CERT1: variants seen among roughly 807,000 people sequenced by gnomAD.
CERT1 encodes the protein ceramide transporter 1.
In CERT1, 31 loss-of-function variants were observed where a neutral mutation model predicts 87.9. The observed-to-expected ratio is 0.35, with a 90% CI of 0.27 to 0.48. The LOEUF is 0.48. Ranked by LOEUF, CERT1 falls within the 20% of genes least tolerant of loss-of-function variation. The pLI is 0.99. For synonymous variants in CERT1, 289 were observed against 250.9 expected, an observed-to-expected ratio of 1.15 and a Z score of -1.44; for missense variants, 487 against 758.0, an observed-to-expected ratio of 0.64 and a Z score of 4.20.
chr5:75,370,925 C>G (rs958859005), intron 17 of CERT1: 2 of 145,312 alleles, frequency 1.4e-5, no homozygotes, highest in Admixed American at 7.1e-5. Context: ...GCACTCCAGC[C>G]TGGGTGACAA....
chr5:75,425,110 C>T (rs560725126), intron 5 of CERT1, among the ~76,000 whole-genome samples: 6 of 152,072 alleles, frequency 3.9e-5, no homozygotes, highest in Middle Eastern at 3.4e-3. Flanking sequence ...AGAATGAAAC[C>T]ATGTCTCAAC....
At chr5:75,413,002 CTTAAAACATAAACATT>C (rs1762992762) in intron 7 of CERT1, among the ~76,000 whole-genome samples, 1 of 152,072 alleles carries the variant, frequency 6.6e-6, no homozygotes, top group South Asian at 2.1e-4. Flanking sequence ...AATAAGATAT[CTTAAAACATAAACATT>C]GTACAGCAGC....
intron 12 of CERT1, among the ~76,000 whole-genome samples, chr5:75,389,124 G>A (rs561241503): frequency 5.9e-5 from 9 of 152,200 alleles, no homozygotes; most frequent in African/African-American, 2.2e-4. Context: ...GTTTAGGGAT[G>A]TAAACAAGAT....
intron 2 of CERT1, among the ~76,000 whole-genome samples, chr5:75,465,718 A>G (rs1765427594): frequency 6.6e-6 from 1 of 152,202 alleles, no homozygotes; most frequent in Admixed American, 6.5e-5. Context: ...TAAAGCCACT[A>G]CTGGCACTGC....
intron 2 of CERT1, among the ~76,000 whole-genome samples, chr5:75,483,908 A>G (rs1766379841): frequency 6.6e-6 from 1 of 152,100 alleles, no homozygotes; most frequent in South Asian, 2.1e-4. Flanking sequence ...AAAAATCACT[A>G]ATAGTATGTA....
At chr5:75,415,767 T>G (rs1323084632) in intron 7 of CERT1, among the ~76,000 whole-genome samples, 1 of 147,676 alleles carries the variant, frequency 6.8e-6, no homozygotes, top group Non-Finnish European at 1.5e-5. Context: ...CAATACATTG[T>G]TTTTTTTTTG....
At chr5:75,483,556 A>G (rs540095743) in intron 2 of CERT1, among the ~76,000 whole-genome samples, 19 of 152,328 alleles carry the variant, frequency 1.2e-4, no homozygotes, top group African/African-American at 3.4e-4. Context: ...TTTAATCCAA[A>G]TAAGTCTACA....
intron 1 of CERT1, among the ~76,000 whole-genome samples, chr5:75,506,570 C>T (rs773598614): frequency 7.2e-5 from 11 of 152,126 alleles, no homozygotes; most frequent in African/African-American, 1.2e-4. Context: ...TCTAAATCAA[C>T]GGAAGTATAA....
chr5:75,381,308 C>G, intron 15 of CERT1, 107 bp from the exon 16 acceptor site: 1 of 1,248,488 alleles, frequency 8.0e-7, no homozygotes, highest in Non-Finnish European at 1.1e-6. Flanking sequence ...AAAAGTATCT[C>G]CAGTGAAATC....
chr5:75,409,723 T>G (rs1310916087), intron 8 of CERT1, among the ~76,000 whole-genome samples: 1 of 152,042 alleles, frequency 6.6e-6, no homozygotes, highest in East Asian at 1.9e-4. Flanking sequence ...GAGACGGGGT[T>G]TCACCATATT....
intron 2 of CERT1, among the ~76,000 whole-genome samples, chr5:75,464,366 A>G (rs1765368338): frequency 6.6e-6 from 1 of 152,138 alleles, no homozygotes; most frequent in Non-Finnish European, 1.5e-5. Flanking sequence ...ACCGCATAGT[A>G]ACATTAGAGG....
intron 2 of CERT1, among the ~76,000 whole-genome samples, chr5:75,504,293 T>C (rs375438497): frequency 4.6e-5 from 7 of 152,064 alleles, no homozygotes; most frequent in East Asian, 1.9e-4. Flanking sequence ...CACATTACAA[T>C]GTACCACATA....
intron 2 of CERT1, among the ~76,000 whole-genome samples, chr5:75,482,845 G>A (rs917127696): frequency 3.3e-5 from 5 of 152,160 alleles, no homozygotes; most frequent in African/African-American, 7.2e-5. Flanking sequence ...TGCAGATACC[G>A]CTATAGCAAC....
intron 12 of CERT1, among the ~76,000 whole-genome samples, chr5:75,387,516 C>T (rs911947477): frequency 2.0e-5 from 3 of 151,722 alleles, no homozygotes; most frequent in East Asian, 2.0e-4. Flanking sequence ...CCGAGGCGGG[C>T]GGATCACCTG....
intron 2 of CERT1, among the ~76,000 whole-genome samples, chr5:75,469,872 A>G (rs976842670): frequency 2.6e-5 from 4 of 152,184 alleles, no homozygotes; most frequent in African/African-American, 7.2e-5. Flanking sequence ...AAAGAGATTT[A>G]AAAAGATATT....
intron 3 of CERT1, among the ~76,000 whole-genome samples, chr5:75,440,768 T>C (rs1011958808): frequency 4.9e-4 from 51 of 103,342 alleles, no homozygotes; most frequent in Admixed American, 3.3e-4. Flanking sequence ...CTTATGACCA[T>C]CCAAAGTAAA....
chr5:75,474,216 T>C (rs976745849), intron 2 of CERT1, among the ~76,000 whole-genome samples: 6 of 152,308 alleles, frequency 3.9e-5, no homozygotes, highest in African/African-American at 1.4e-4. Context: ...ACGTACCCCC[T>C]GCTTGCTCAA....
At chr5:75,371,023 G>A (rs1761066174) in intron 17 of CERT1, 1 of 151,882 alleles carries the variant, frequency 6.6e-6, no homozygotes, top group Non-Finnish European at 1.5e-5. Flanking sequence ...TGGGTTACGG[G>A]AAGAACACTG....
chr5:75,507,787 G>T (rs921944422), intron 1 of CERT1, among the ~76,000 whole-genome samples: 1 of 152,002 alleles, frequency 6.6e-6, no homozygotes, highest in African/African-American at 2.4e-5. Context: ...GTTGACTGAC[G>T]GCCGAATAAA....
Sources: gnomAD v4.1 joint callset for allele counts (sites outside exome capture counted in the v4.1 genomes callset) on GRCh38, gnomAD v4.1.1 for gene constraint, MANE v1.5 for transcripts, NCBI Gene and HGNC (gene_info 2026-07-23, HGNC 2026-07-21) for gene names.